Variants in ZNF81 observed in about 807,000 individuals in gnomAD.
ZNF81 encodes zinc finger protein 81 (HFZ20).
A neutral mutation model predicts 32.3 loss-of-function variants in ZNF81; 5 were observed. The ratio of observed to expected loss-of-function variants is 0.15; its 90% CI spans 0.08 to 0.33. The LOEUF is 0.33. Ranked by LOEUF, ZNF81 falls within the 10% of genes least tolerant of loss-of-function variation. The pLI is 1.00. For missense variants in ZNF81, 379 were observed against 479.8 expected, an observed-to-expected ratio of 0.79 and a Z score of 1.96; for synonymous variants, 163 against 166.8, an observed-to-expected ratio of 0.98 and a Z score of 0.17.
chrX:47,850,891 GCACACACACACACACACACA>G (rs782209480), intron 2 of ZNF81, among the ~76,000 whole-genome samples: 1 of 53,417 alleles, frequency 1.9e-5, no homozygotes, highest in Non-Finnish European at 3.6e-5. Flanking sequence ...AGGCACGCGC[GCACACACACACACACACACA>G]CACACACACA....
Position 47,915,657 on chromosome X carries a change from G to A in ZNF81, c.1011G>A (p.Lys337=), listed in dbSNP as rs2058754194. Residue 337 remains lysine (K), a synonymous_variant, in exon 5 of 5, where the codon AAG becomes AAA. Coordinates refer to ENST00000338637, the MANE Select transcript of ZNF81 (RefSeq NM_007137.5). ...EKLYICTKCG[K]AFIQNSELIM... ...TCTACATATGTACTAAATGTGGGAAGGCCTTCATCCAGAATTCAGAATTAA... is the reference window on the plus strand; with the variant it reads ...TCTACATATGTACTAAATGTGGGAAAGCCTTCATCCAGAATTCAGAATTAA... 1 of 1,208,380 alleles carries A rather than the reference G, an allele frequency of 8.3e-7. No individual in the cohort carries two copies. The highest frequency in any genetic ancestry group is 1.8e-5 in the African/African-American group (1 of 57,099).
intron 4 of ZNF81, among the ~76,000 whole-genome samples, chrX:47,909,855 G>A (rs1416530714): frequency 3.9e-4 from 41 of 104,709 alleles, no homozygotes; most frequent in Non-Finnish European, 7.6e-4. Context: ...GAGAACATGC[G>A]GTGTTTGGTT....
intron 1 of ZNF81, among the ~76,000 whole-genome samples, chrX:47,840,755 G>A (rs1221120981): frequency 4.5e-5 from 5 of 111,620 alleles, no homozygotes; most frequent in South Asian, 3.7e-4. Flanking sequence ...TGATCCGCCC[G>A]CTTTGGCCTC....
At chrX:47,888,232 C>A in intron 3 of ZNF81, 107 bp downstream of exon 3, 1 of 1,054,790 alleles carries the variant, frequency 9.5e-7, no homozygotes, top group East Asian at 3.3e-5. Flanking sequence ...CAGAATGTGA[C>A]CTTATTTGGA....
At chrX:47,901,903 A>G (rs1383066945) in intron 4 of ZNF81, among the ~76,000 whole-genome samples, 2 of 111,550 alleles carry the variant, frequency 1.8e-5, no homozygotes, top group Non-Finnish European at 3.8e-5. Flanking sequence ...AGAATTTTTC[A>G]GTGTTCACGT....
At chrX:47,869,790 G>C (rs1395970535) in intron 2 of ZNF81, among the ~76,000 whole-genome samples, 4 of 110,954 alleles carry the variant, frequency 3.6e-5, no homozygotes, top group Admixed American at 9.6e-5. Context: ...CCGCCTCCTG[G>C]GTTCAAGTGA....
intron 2 of ZNF81, among the ~76,000 whole-genome samples, chrX:47,865,074 C>G (rs1253024832): frequency 8.9e-6 from 1 of 111,935 alleles, no homozygotes; most frequent in Non-Finnish European, 1.9e-5. Context: ...GGATCAGGTC[C>G]AGGCTTTTAG....
At chrX:47,890,175 C>T (rs1371478228) in intron 3 of ZNF81, among the ~76,000 whole-genome samples, 1 of 111,305 alleles carries the variant, frequency 9.0e-6, no homozygotes, top group African/African-American at 3.3e-5. Flanking sequence ...AGGCCCAGTG[C>T]ACCAGAGCCT....
chrX:47,838,561 G>C (rs782078702), intron 1 of ZNF81, among the ~76,000 whole-genome samples: 50 of 110,820 alleles, frequency 4.5e-4, no homozygotes, highest in Non-Finnish European at 8.7e-4. Flanking sequence ...TGATGATCTT[G>C]TGATTTTTTT....
intron 1 of ZNF81, among the ~76,000 whole-genome samples, chrX:47,845,574 G>T (rs5953113): frequency 9.1e-6 from 1 of 110,395 alleles, no homozygotes; most frequent in African/African-American, 3.3e-5. Context: ...ATAACTTTGA[G>T]GGCGTGAACT....
intron 2 of ZNF81, among the ~76,000 whole-genome samples, chrX:47,859,815 G>A (rs2058532389): frequency 9.0e-6 from 1 of 111,529 alleles, no homozygotes; most frequent in South Asian, 3.8e-4. Context: ...ACAGGGTGAC[G>A]TGAAGAGAGC....
At chrX:47,886,437 A>G (rs9887125) in intron 2 of ZNF81, among the ~76,000 whole-genome samples, 48,584 of 109,810 alleles carry the variant, frequency 0.44, 8,268 homozygotes, top group Middle Eastern at 0.63. Context: ...CTGGTCAATC[A>G]GAGATCTGGG....
intron 2 of ZNF81, among the ~76,000 whole-genome samples, chrX:47,852,899 A>C (rs2058501237): frequency 8.9e-6 from 1 of 112,731 alleles, no homozygotes; most frequent in Admixed American, 9.4e-5. Flanking sequence ...TGGCAGCTAT[A>C]GTCTTACAAA....
chrX:47,871,287 G>C (rs2058579398), intron 2 of ZNF81, among the ~76,000 whole-genome samples: 1 of 111,757 alleles, frequency 8.9e-6, no homozygotes, highest in South Asian at 3.7e-4. Context: ...TTATATGACA[G>C]ACACCAAACA....
At chrX:47,896,607 A>T (rs1556887273) in intron 4 of ZNF81, among the ~76,000 whole-genome samples, 1 of 111,876 alleles carries the variant, frequency 8.9e-6, no homozygotes, top group African/African-American at 3.3e-5. Context: ...AATTTACACA[A>T]AATGAAATGT....
At position 47,916,593 on chromosome X, in the gene ZNF81, G is replaced by C. The variant is rs781913773; in HGVS notation, c.1947G>C (p.Gln649His). 1 of 1,202,111 alleles carries C rather than the reference G, an allele frequency of 8.3e-7. No individual in the cohort carries two copies. The highest frequency in any genetic ancestry group is 1.1e-6 in the Non-Finnish European group (1 of 892,004). The part of the protein sequence containing the change: ...KCSDCGKGFT[Q>H]KSVLSMHRNI... ...GCGACTGTGGAAAGGGGTTCACCCA[G>C]AAATCAGTTCTCAGTATGCATCGCA... Residue 649 changes from glutamine to histidine, a missense_variant, in exon 5 of 5, where the codon CAG (glutamine) becomes CAC (histidine). Physicochemically the swap from Gln to His is conservative, Grantham distance 24. This residue lies in a region of ZNF81 where 102 missense variants were observed against 173.2 expected (regional missense o/e 0.59). Coordinates refer to ENST00000338637, the MANE Select transcript of ZNF81 (RefSeq NM_007137.5).
At position 47,916,577 on chromosome X, in the gene ZNF81, G is replaced by A; in HGVS notation, c.1931G>A (p.Gly644Glu). Reference sequence around the variant, plus strand: ...AAACCGTATAAATGCAGCGACTGTGGAAAGGGGTTCACCCAGAAATCAGTT... The same window carrying A: ...AAACCGTATAAATGCAGCGACTGTGAAAAGGGGTTCACCCAGAAATCAGTT... ...GDKPYKCSDC[G>E]KGFTQKSVLS... Residue 644 changes from glycine to glutamate, a missense_variant, in exon 5 of 5, where the codon GGA (glycine) becomes GAA (glutamate). By Grantham distance (98) the Gly-to-Glu change is moderately conservative. Around this residue, in one of 2 missense-constraint regions of ZNF81, gnomAD observed 102 missense variants for 173.2 expected, o/e 0.59. Coordinates refer to ENST00000338637, the MANE Select transcript of ZNF81 (RefSeq NM_007137.5). 1 of 1,202,099 alleles carries A rather than the reference G, an allele frequency of 8.3e-7. No homozygotes were observed. Among genetic ancestry groups the A allele is most frequent in the Non-Finnish European group, 1.1e-6 (1 of 891,594 alleles).
At chrX:47,847,582 GC>G (rs1472291829) in intron 2 of ZNF81, among the ~76,000 whole-genome samples, 1 of 111,815 alleles carries the variant, frequency 8.9e-6, no homozygotes, top group Non-Finnish European at 1.9e-5. Flanking sequence ...TTGATACAGA[GC>G]TGTTACCTTG....
Position 47,915,111 on chromosome X carries a change from C to T in ZNF81, c.465C>T (p.Phe155=), listed in dbSNP as rs781834843. 1.1e-4 allele frequency: 137 copies of T among 1,204,810 alleles called. No individual in the cohort carries two copies. The highest frequency in any genetic ancestry group is 1.5e-4 in the Non-Finnish European group (132 of 893,290). The change falls in exon 5 of 5, where the codon TTC becomes TTT. Residue 155 remains phenylalanine (F), a synonymous_variant. Transcript: ENST00000338637. The part of the protein sequence containing the change: ...KHNKLLSRTT[F]LNKKILNTEW... ...ACAAACTTCTGAGTCGCACTACTTTCCTCAATAAGAAAATATTGAATACAG... is the reference window on the plus strand; with the variant it reads ...ACAAACTTCTGAGTCGCACTACTTTTCTCAATAAGAAAATATTGAATACAG...
Sources: gnomAD v4.1 joint callset for allele counts (sites outside exome capture counted in the v4.1 genomes callset) on GRCh38, gnomAD v4.1.1 for gene constraint, gnomAD v4.1.1 regional missense constraint, MANE v1.5 for transcripts, NCBI Gene and HGNC (gene_info 2026-07-23, HGNC 2026-07-21) for gene names.